The following PPP2R2B variants were observed in gnomAD, a reference collection of about 807,000 sequenced individuals.
The protein encoded by PPP2R2B is serine/threonine-protein phosphatase 2A 55 kDa regulatory subunit B beta isoform.
In PPP2R2B, 5 loss-of-function variants were observed where a neutral mutation model predicts 46.0. The ratio of observed to expected loss-of-function variants is 0.11; its 90% CI spans 0.06 to 0.23. The LOEUF (loss-of-function observed/expected upper bound fraction) is 0.23. PPP2R2B is among the 10% of genes least tolerant of loss of function. The pLI is 1.00. For missense variants in PPP2R2B, 367 were observed against 575.0 expected, an observed-to-expected ratio of 0.64 and a Z score of 3.70; for synonymous variants, 215 against 206.7, an observed-to-expected ratio of 1.04 and a Z score of -0.34.
At chr5:146,718,049 T>A (rs1384147448) in intron 2 of PPP2R2B, among the ~76,000 whole-genome samples, 1 of 152,202 alleles carries the variant, frequency 6.6e-6, no homozygotes, top group Non-Finnish European at 1.5e-5. Flanking sequence ...GTGTTTATTG[T>A]TAATGTCTGT....
chr5:146,668,123 C>T (rs146305667), intron 5 of PPP2R2B, among the ~76,000 whole-genome samples: 2 of 152,296 alleles, frequency 1.3e-5, no homozygotes, highest in African/African-American at 4.8e-5. Context: ...CTCATTCCTC[C>T]TTTCTTATAT....
intron 1 of PPP2R2B, among the ~76,000 whole-genome samples, chr5:146,943,943 T>C (rs1387224193): frequency 6.6e-6 from 1 of 152,196 alleles, no homozygotes; most frequent in Non-Finnish European, 1.5e-5. Flanking sequence ...GGTGATTCTG[T>C]CTATTCTTTC....
intron 2 of PPP2R2B, among the ~76,000 whole-genome samples, chr5:146,755,106 GA>G (rs2151243323): frequency 6.6e-6 from 1 of 152,304 alleles, no homozygotes; most frequent in African/African-American, 2.4e-5. Flanking sequence ...AATGTTTAGA[GA>G]AAGGTTTGGC....
At chr5:146,887,081 C>T (rs923433339) in intron 1 of PPP2R2B, among the ~76,000 whole-genome samples, 5 of 151,866 alleles carry the variant, frequency 3.3e-5, no homozygotes, top group African/African-American at 1.2e-4. Context: ...AGATGAAATT[C>T]ATTTTAATAT....
At chr5:146,954,620 G>T (rs1204353175) in intron 1 of PPP2R2B, among the ~76,000 whole-genome samples, 1 of 151,774 alleles carries the variant, frequency 6.6e-6, no homozygotes, top group East Asian at 1.9e-4. Flanking sequence ...CACTTACTCA[G>T]GTAACCAAAC....
intron 2 of PPP2R2B, among the ~76,000 whole-genome samples, chr5:146,821,146 C>A (rs571928799): frequency 2.0e-5 from 3 of 152,120 alleles, no homozygotes; most frequent in African/African-American, 7.2e-5. Context: ...GAAACACACA[C>A]AATACACAAT....
At chr5:147,009,191 T>A (rs1396461802) in intron 1 of PPP2R2B, among the ~76,000 whole-genome samples, 1 of 152,190 alleles carries the variant, frequency 6.6e-6, no homozygotes, top group Non-Finnish European at 1.5e-5. Context: ...TTGATAGCAG[T>A]GAATTCTGTT....
chr5:147,044,852 G>C (rs1269776451), intron 1 of PPP2R2B, among the ~76,000 whole-genome samples: 1 of 152,148 alleles, frequency 6.6e-6, no homozygotes, highest in African/African-American at 2.4e-5. Context: ...GAATAAACAT[G>C]ATATGAAAAC....
intron 1 of PPP2R2B, among the ~76,000 whole-genome samples, chr5:147,048,841 T>C (rs946059531): frequency 2.0e-5 from 3 of 152,174 alleles, no homozygotes; most frequent in African/African-American, 7.2e-5. Flanking sequence ...TCCACAAATA[T>C]TTATTATATG....
At chr5:146,838,155 G>T (rs1207577730) in intron 2 of PPP2R2B, among the ~76,000 whole-genome samples, 1 of 152,108 alleles carries the variant, frequency 6.6e-6, no homozygotes, top group Non-Finnish European at 1.5e-5. Context: ...ACCCTGTGTT[G>T]GTATTTGCAT....
chr5:146,799,221 G>C (rs1276480147), intron 2 of PPP2R2B, among the ~76,000 whole-genome samples: 1 of 152,130 alleles, frequency 6.6e-6, no homozygotes, highest in Admixed American at 6.6e-5. Context: ...CCTTGTCTTT[G>C]ACTTAGATGT....
chr5:146,952,895 G>T (rs1338145503), intron 1 of PPP2R2B, among the ~76,000 whole-genome samples: 1 of 152,138 alleles, frequency 6.6e-6, no homozygotes, highest in African/African-American at 2.4e-5. Context: ...CAAAATGTTA[G>T]CAAATGAATA....
At chr5:146,914,643 C>A (rs1289893941) in intron 1 of PPP2R2B, among the ~76,000 whole-genome samples, 1 of 152,106 alleles carries the variant, frequency 6.6e-6, no homozygotes, top group Non-Finnish European at 1.5e-5. Flanking sequence ...TGTTGTTGGC[C>A]AGGTTGGCCC....
intron 2 of PPP2R2B, among the ~76,000 whole-genome samples, chr5:146,814,611 G>T (rs574450086): frequency 6.6e-6 from 1 of 152,284 alleles, no homozygotes; most frequent in African/African-American, 2.4e-5. Context: ...GCGCACTAAG[G>T]CAAAATGGCA....
At chr5:147,024,323 T>TA (rs1186946664) in intron 1 of PPP2R2B, among the ~76,000 whole-genome samples, 1 of 151,914 alleles carries the variant, frequency 6.6e-6, no homozygotes, top group Admixed American at 6.6e-5. Context: ...AAAATGTAAA[T>TA]AAAAAACTAA....
intron 8 of PPP2R2B, among the ~76,000 whole-genome samples, chr5:146,595,503 CTG>C (rs1382416663): frequency 3.3e-5 from 5 of 152,318 alleles, no homozygotes; most frequent in Admixed American, 6.5e-5. Flanking sequence ...GCTGAGAACT[CTG>C]TAAATAATTC....
At chr5:147,031,488 T>A (rs1050554773) in intron 1 of PPP2R2B, among the ~76,000 whole-genome samples, 4 of 151,508 alleles carry the variant, frequency 2.6e-5, no homozygotes, top group Non-Finnish European at 5.9e-5. Context: ...CTTTTTTTTT[T>A]AATTTATCTT....
chr5:146,821,262 C>T (rs1243888147), intron 2 of PPP2R2B, among the ~76,000 whole-genome samples: 1 of 152,200 alleles, frequency 6.6e-6, no homozygotes, highest in Non-Finnish European at 1.5e-5. Context: ...CCTGCCATCC[C>T]TTAATACCAT....
At chr5:147,025,336 T>C (rs961002143) in intron 1 of PPP2R2B, among the ~76,000 whole-genome samples, 3 of 151,866 alleles carry the variant, frequency 2.0e-5, no homozygotes, top group African/African-American at 4.8e-5. Context: ...TTCCTTCAAA[T>C]ATTTAAGAAA....
Sources: gnomAD v4.1 joint callset for allele counts (sites outside exome capture counted in the v4.1 genomes callset) on GRCh38, gnomAD v4.1.1 for gene constraint, MANE v1.5 for transcripts, NCBI Gene and HGNC (gene_info 2026-07-23, HGNC 2026-07-21) for gene names.